Variants in OCA2 observed in about 807,000 individuals in gnomAD.
OCA2 encodes OCA2 melanosomal transmembrane protein.
In OCA2, 77 loss-of-function variants were observed where a neutral mutation model predicts 100.2. The observed-to-expected ratio is 0.77, with a 90% confidence interval of 0.64 to 0.93. OCA2 has a LOEUF of 0.93. OCA2 is among the 40% of genes least tolerant of loss of function. OCA2 has a pLI of 0.00. For missense variants in OCA2, 1,062 were observed against 1,089.1 expected (o/e 0.98, Z 0.35); for synonymous variants, 432 against 439.2 (o/e 0.98, Z 0.21).
At chr15:27,799,756 A>AG in intron 23 of OCA2, among the ~76,000 whole-genome samples, 1 of 152,150 alleles carries the variant, frequency 6.6e-6, no homozygotes, top group Non-Finnish European at 1.5e-5. Context: ...AAAAAAAAAA[A>AG]AAAACTTTAG....
In OCA2 at chr15:28,081,659, G is replaced by A. The variant is rs766072141; in HGVS notation, c.216C>T (p.Leu72=). The A allele has an allele frequency of 1.2e-6, 2 of 1,613,698 alleles. No individual in the cohort carries two copies. Among genetic ancestry groups the A allele is most frequent in the East Asian group, 2.2e-5 (1 of 44,880 alleles). Residue 72 remains leucine, a synonymous_variant, in exon 2 of 24, where the codon CTC becomes CTT. Transcript: ENST00000354638. The part of the protein sequence containing the change: ...APAGQEFASF[L]TKGRSHSSLP... ...TATTTTAAACTCACCTCCCTTTTGTGAGGAATGAAGCAAACTCCTGGCCTG... is the reference window on the plus strand; with the variant it reads ...TATTTTAAACTCACCTCCCTTTTGTAAGGAATGAAGCAAACTCCTGGCCTG...
At chr15:27,997,324 G>A (rs950122462) in intron 9 of OCA2, among the ~76,000 whole-genome samples, 16 of 152,178 alleles carry the variant, frequency 1.1e-4, no homozygotes, top group Non-Finnish European at 7.3e-5. Context: ...TGCTCAACAA[G>A]TCTTTAATCC....
At chr15:27,874,291 T>C (rs541764041) in intron 19 of OCA2, among the ~76,000 whole-genome samples, 3 of 152,196 alleles carry the variant, frequency 2.0e-5, no homozygotes, top group Non-Finnish European at 4.4e-5. Context: ...AGGATGGAAC[T>C]GCCTGGAACC....
intron 11 of OCA2, among the ~76,000 whole-genome samples, chr15:27,989,053 C>T (rs1278993604): frequency 6.6e-6 from 1 of 152,190 alleles, no homozygotes; most frequent in Non-Finnish European, 1.5e-5. Context: ...ACGTGGACTG[C>T]CCCTGCTGCC....
chr15:27,734,286 C>CAAAAAA, the OCA2 span, among the ~76,000 whole-genome samples: 105 of 76,328 alleles, frequency 1.4e-3, 8 homozygotes, highest in Non-Finnish European at 2.2e-3. Context: ...TTTTCAAGAG[C>CAAAAAA]AAAAAAAAAA....
At chr15:27,834,232 A>G (rs2035065052) in intron 23 of OCA2, among the ~76,000 whole-genome samples, 1 of 152,182 alleles carries the variant, frequency 6.6e-6, no homozygotes, top group Non-Finnish European at 1.5e-5. Flanking sequence ...TGCCAATGTA[A>G]TGAAGCCTCA....
chr15:28,034,368 T>A (rs2042989750), intron 2 of OCA2, among the ~76,000 whole-genome samples: 1 of 152,224 alleles, frequency 6.6e-6, no homozygotes, highest in South Asian at 2.1e-4. Flanking sequence ...ATTGTGGATA[T>A]TGATTCACTG....
rs74912660 is a variant in OCA2, at chr15:27,784,998, C to T, written c.2433-29526G>A. Among the ~76,000 whole-genome samples, 780 of 152,062 alleles carry T rather than the reference C, an allele frequency of 5.1e-3. 7 individuals are homozygous for T. The highest frequency in any genetic ancestry group is 0.018 in the African/African-American group (742 of 41,486). On this transcript the variant is annotated intron_variant, in intron 23 of 23. Transcript: ENST00000354638. Reference sequence around the variant, plus strand: ...TCTAAATAGCACAGAAAACATCAAGCAGAATAAATGCCAACAAGCAAACAA... The same window carrying T: ...TCTAAATAGCACAGAAAACATCAAGTAGAATAAATGCCAACAAGCAAACAA...
chr15:27,826,027 T>A (rs17747098), intron 23 of OCA2, among the ~76,000 whole-genome samples: 76,845 of 152,156 alleles, frequency 0.51, 20,016 homozygotes, highest in South Asian at 0.76. Context: ...TTGCAGAGAA[T>A]GCCAGCTAGA....
intron 18 of OCA2, among the ~76,000 whole-genome samples, chr15:27,929,031 G>T (rs2039149240): frequency 6.6e-6 from 1 of 152,018 alleles, no homozygotes; most frequent in Admixed American, 6.6e-5. Context: ...ACAATATAGG[G>T]GCTTCTGATC....
intron 3 of OCA2, among the ~76,000 whole-genome samples, chr15:28,029,959 G>A (rs1391417093): frequency 6.6e-6 from 1 of 152,232 alleles, no homozygotes; most frequent in Non-Finnish European, 1.5e-5. Context: ...CCCAGGGCAT[G>A]TCTCTGCTCT....
chr15:28,088,598 G>T (rs1566885244), intron 1 of OCA2, among the ~76,000 whole-genome samples: 1 of 152,198 alleles, frequency 6.6e-6, no homozygotes, highest in African/African-American at 2.4e-5. Flanking sequence ...ACAAAAGAGA[G>T]AAATTTTAAA....
the OCA2 span, among the ~76,000 whole-genome samples, chr15:27,722,634 T>TTTCC: frequency 0.57 from 83,440 of 147,616 alleles, 24,131 homozygotes; most frequent in Non-Finnish European, 0.61. Context: ...CCTTCCTTCC[T>TTTCC]TTCCTTCCTT....
chr15:27,926,517 C>T (rs1194455329), intron 18 of OCA2, among the ~76,000 whole-genome samples: 2 of 152,274 alleles, frequency 1.3e-5, no homozygotes, highest in South Asian at 2.1e-4. Flanking sequence ...CTTGTCAACC[C>T]CCACACTCCC....
At chr15:27,964,886 T>C (rs1472738495) in intron 15 of OCA2, among the ~76,000 whole-genome samples, 1 of 152,174 alleles carries the variant, frequency 6.6e-6, no homozygotes, top group East Asian at 1.9e-4. Context: ...GTGTGTCCAC[T>C]TCCAACCATC....
At chr15:27,770,880 TTGCTCCTTC>T (rs2031740588) in intron 23 of OCA2, among the ~76,000 whole-genome samples, 3 of 62,328 alleles carry the variant, frequency 4.8e-5, no homozygotes, top group Non-Finnish European at 7.1e-5. Context: ...CCTCCTTCCT[TTGCTCCTTC>T]CCATCTCCTT....
chr15:27,978,689 C>CGTTTT (rs2041047718), intron 14 of OCA2, among the ~76,000 whole-genome samples: 1 of 149,142 alleles, frequency 6.7e-6, no homozygotes, highest in Non-Finnish European at 1.5e-5. Context: ...GAGAGAGAGA[C>CGTTTT]ATTTTTTTTT....
chr15:27,746,500 C>T, the OCA2 span, among the ~76,000 whole-genome samples: 27,102 of 151,756 alleles, frequency 0.18, 3,244 homozygotes, highest in East Asian at 0.62. Flanking sequence ...ATAAATAGAA[C>T]TTTTTTCCCC....
At chr15:28,007,714 T>G (rs979750047) in intron 9 of OCA2, among the ~76,000 whole-genome samples, 2 of 148,734 alleles carry the variant, frequency 1.3e-5, no homozygotes, top group African/African-American at 5.0e-5. Context: ...TGGGCAAGAC[T>G]CCATCTCAAA....
Sources: allele counts gnomAD v4.1 joint callset (sites outside exome capture counted in the v4.1 genomes callset), GRCh38; gene constraint gnomAD v4.1.1; transcripts MANE v1.5; gene names NCBI Gene and HGNC (gene_info 2026-07-23, HGNC 2026-07-21).